The following BANK1 variants were observed in gnomAD, a reference collection of about 807,000 sequenced individuals.
BANK1 encodes the protein B cell scaffold protein with ankyrin repeats 1.
Under a neutral mutation model 94.5 loss-of-function variants are expected in BANK1, and 95 were observed. That is an observed-to-expected ratio of 1.00 (90% CI 0.85 to 1.19). The LOEUF is 1.19. BANK1 is among the 50% of genes most tolerant of loss of function. The pLI is 0.00. For synonymous variants in BANK1, 334 were observed against 308.4 expected, an observed-to-expected ratio of 1.08 and a Z score of -0.87; for missense variants, 987 against 932.2, an observed-to-expected ratio of 1.06 and a Z score of -0.77.
intron 6 of BANK1, among the ~76,000 whole-genome samples, chr4:101,900,433 G>T (rs906410486): frequency 2.6e-5 from 4 of 152,166 alleles, no homozygotes; most frequent in African/African-American, 4.8e-5. Context: ...TTGCTGTTAC[G>T]CAGAGAATAG....
intron 7 of BANK1, among the ~76,000 whole-genome samples, chr4:101,969,449 G>C (rs1242117419): frequency 6.6e-6 from 1 of 152,032 alleles, no homozygotes; most frequent in Non-Finnish European, 1.5e-5. Context: ...TGATTAATGT[G>C]CATAGCCAAA....
intron 1 of BANK1, among the ~76,000 whole-genome samples, chr4:101,803,654 G>C (rs1295698776): frequency 7.2e-5 from 11 of 151,936 alleles, no homozygotes; most frequent in Admixed American, 7.2e-4. Context: ...AAATTTTTTG[G>C]ATATTTGCAA....
intron 7 of BANK1, among the ~76,000 whole-genome samples, chr4:101,986,821 G>GTGTATATATA (rs1315260894): frequency 1.6e-4 from 21 of 132,216 alleles, no homozygotes; most frequent in Non-Finnish European, 2.8e-4. Context: ...GTATATATAT[G>GTGTATATATA]TGTATATATA....
intron 4 of BANK1, 46 bp from the exon 5 acceptor site, chr4:101,870,459 T>A: frequency 6.6e-7 from 1 of 1,522,296 alleles, no homozygotes; most frequent in Non-Finnish European, 8.8e-7. Context: ...ATAGTATGAA[T>A]ATGCATTATA....
Position 101,862,580 on chromosome 4 carries a change from G to C in BANK1, c.679G>C (p.Glu227Gln). The change falls in exon 4 of 17, where the codon GAG becomes CAG. Residue 227 changes from glutamate to glutamine, a missense_variant. Physicochemically the swap from Glu to Gln is conservative, Grantham distance 29. Transcript: ENST00000322953. ...LRDEVIGDTV[E>Q]VEFTSSNKRI... ...AGATGAAGTAATTGGTGATACTGTA[G>C]AGGTTGAATTTACATCAAGTAATAA... 6.2e-7 allele frequency: 1 copy of C among 1,611,054 alleles called. No homozygotes were observed. The highest frequency in any genetic ancestry group is 8.5e-7 in the Non-Finnish European group (1 of 1,178,150).
chr4:101,932,914 A>T (rs72916153), intron 7 of BANK1, among the ~76,000 whole-genome samples: 1 of 151,554 alleles, frequency 6.6e-6, no homozygotes, highest in South Asian at 2.1e-4. Flanking sequence ...TTAGCTTTGT[A>T]AAATGGATCT....
intron 2 of BANK1, among the ~76,000 whole-genome samples, chr4:101,846,168 A>G (rs1393777530): frequency 6.6e-6 from 1 of 152,164 alleles, no homozygotes; most frequent in Non-Finnish European, 1.5e-5. Flanking sequence ...AAGACTGGGA[A>G]CCAACCCAAA....
intron 6 of BANK1, among the ~76,000 whole-genome samples, chr4:101,911,437 GT>G (rs1722661057): frequency 1.3e-5 from 2 of 152,010 alleles, no homozygotes; most frequent in African/African-American, 4.8e-5. Flanking sequence ...TGTAATTTTT[GT>G]TTCCTAGTAT....
chr4:101,864,064 A>G (rs1025435393), intron 4 of BANK1, among the ~76,000 whole-genome samples: 2 of 152,218 alleles, frequency 1.3e-5, no homozygotes, highest in Non-Finnish European at 2.9e-5. Context: ...CATGCTTCCA[A>G]GATATACCAA....
At chr4:101,962,725 G>A (rs1724612110) in intron 7 of BANK1, among the ~76,000 whole-genome samples, 1 of 151,926 alleles carries the variant, frequency 6.6e-6, no homozygotes, top group Non-Finnish European at 1.5e-5. Context: ...AATATTCTGC[G>A]ATATACATTC....
intron 7 of BANK1, among the ~76,000 whole-genome samples, chr4:102,006,669 A>AATT (rs546920873): frequency 1.2e-3 from 187 of 152,096 alleles, no homozygotes; most frequent in Admixed American, 2.9e-3. Context: ...ATTCACAAAC[A>AATT]ATTAGATAGT....
chr4:101,936,249 T>C (rs1383764775), intron 7 of BANK1, among the ~76,000 whole-genome samples: 6 of 133,352 alleles, frequency 4.5e-5, no homozygotes, highest in African/African-American at 1.5e-4. Context: ...TATACATATA[T>C]GACACACATA....
At chr4:101,892,117 A>T (rs1404852100) in intron 5 of BANK1, among the ~76,000 whole-genome samples, 1 of 151,616 alleles carries the variant, frequency 6.6e-6, no homozygotes, top group Non-Finnish European at 1.5e-5. Context: ...GGGAGAGGAA[A>T]AAGGAAAGTA....
chr4:102,063,022 G>T, intron 12 of BANK1, 53 bp from the exon 13 acceptor site: 2 of 1,424,326 alleles, frequency 1.4e-6, no homozygotes, highest in South Asian at 2.3e-5. Flanking sequence ...TTTTCATCTT[G>T]ATCCATAAAA....
chr4:101,937,334 C>T (rs1723601081), intron 7 of BANK1, among the ~76,000 whole-genome samples: 2 of 151,804 alleles, frequency 1.3e-5, no homozygotes, highest in South Asian at 4.1e-4. Flanking sequence ...TGCAATCTAT[C>T]CATTTGACAA....
At chr4:101,797,690 T>C (rs1725205975) in intron 1 of BANK1, among the ~76,000 whole-genome samples, 1 of 152,086 alleles carries the variant, frequency 6.6e-6, no homozygotes, top group African/African-American at 2.4e-5. Flanking sequence ...ATTTACTCCA[T>C]TGGAAAGGAG....
rs559711515 is a variant in BANK1, at chr4:102,030,246, T to C, written c.1881T>C (p.Thr627=). The C allele has an allele frequency of 6.3e-7, 1 of 1,590,110 alleles. No individual in the cohort carries two copies. Among genetic ancestry groups the C allele is most frequent in the East Asian group, 2.2e-5 (1 of 44,772 alleles). Residue 627 remains threonine (T), a synonymous_variant, in exon 10 of 17, where the codon ACT becomes ACC. Coordinates refer to ENST00000322953, the MANE Select transcript of BANK1 (RefSeq NM_017935.5). ...RPTSIPPKEE[T]TPYIAQVFQQ... is the part of the protein sequence containing the mutation. ...CAAGTATACCTCCAAAAGAGGAAAC[T>C]ACACCTTACATAGCTCAAGGTAATT...
chr4:101,986,929 A>ATATAGTAGGCTTGCCAGTAAATATATT (rs1725524936), intron 7 of BANK1, among the ~76,000 whole-genome samples: 1 of 134,818 alleles, frequency 7.4e-6, no homozygotes, highest in Non-Finnish European at 1.6e-5. Context: ...ATATATATAT[A>ATATAGTAGGCTTGCCAGTAAATATATT]TAGTAGGCTT....
At chr4:102,013,948 T>C (rs1427626472) in intron 7 of BANK1, among the ~76,000 whole-genome samples, 1 of 152,122 alleles carries the variant, frequency 6.6e-6, no homozygotes, top group East Asian at 1.9e-4. Context: ...TGATAGGTCT[T>C]ATTTAATTTT....
Sources: allele counts gnomAD v4.1 joint callset (sites outside exome capture counted in the v4.1 genomes callset), GRCh38; gene constraint gnomAD v4.1.1; transcripts MANE v1.5; gene names NCBI Gene and HGNC (gene_info 2026-07-23, HGNC 2026-07-21).